Variants in PCDHA8 observed in about 807,000 individuals in gnomAD.
PCDHA8 encodes the protein protocadherin alpha-8.
PCDHA8 carries 53 observed loss-of-function variants against 61.8 expected under a neutral mutation model. The observed-to-expected ratio is 0.86, with a 90% confidence interval of 0.69 to 1.08. The LOEUF is 1.08. Among genes scored for constraint, PCDHA8 ranks in the 50% least tolerant of loss-of-function variants. The probability of loss-of-function intolerance (pLI) is 0.00; values close to 1 mark genes in which losing one functional copy is unlikely to be tolerated. For synonymous variants in PCDHA8, 618 were observed against 556.6 expected (o/e 1.11, Z -1.55); for missense variants, 1,293 against 1,245.0 (o/e 1.04, Z -0.58).
chr5:141,005,666 C>T (rs1304126376), intron 3 of PCDHA8, among the ~76,000 whole-genome samples: 2 of 130,134 alleles, frequency 1.5e-5, no homozygotes, highest in Non-Finnish European at 3.1e-5. Context: ...CGCGCCACTG[C>T]ACTCCAGCCT....
Position 140,979,003 on chromosome 5 carries a change from C to G in PCDHA8, c.2449C>G (p.His817Asp). ...RYSASLRAGM[H>D]SSVHLEEAGI... Reference sequence around the variant, plus strand: ...CTCTGCCTCCCTGAGAGCAGGCATGCACAGGTATGTATTTCCCTCCTCATT... The same window carrying G: ...CTCTGCCTCCCTGAGAGCAGGCATGGACAGGTATGTATTTCCCTCCTCATT... The change falls in exon 2 of 4, where the codon CAC becomes GAC. Residue 817 changes from histidine (H) to aspartate (D), a missense_variant. By Grantham distance (81) the His-to-Asp change is moderately conservative. Transcript: ENST00000531613. 1.2e-6 allele frequency: 2 copies of G among 1,614,144 alleles called. No homozygotes were observed. The highest frequency in any genetic ancestry group is 1.7e-6 in the Non-Finnish European group (2 of 1,180,022).
At chr5:140,923,877 C>T (rs555626217) in intron 1 of PCDHA8, among the ~76,000 whole-genome samples, 5 of 152,284 alleles carry the variant, frequency 3.3e-5, no homozygotes, top group East Asian at 1.9e-4. Flanking sequence ...ATCTGAGAAG[C>T]GTGTGAAAGA....
At chr5:140,860,671 T>A (rs1339790199) in intron 1 of PCDHA8, 1 of 152,218 alleles carries the variant, frequency 6.6e-6, no homozygotes, top group Non-Finnish European at 1.5e-5. Context: ...TGAAATCAAA[T>A]GCACTTATGT....
chr5:140,858,354 C>A lies in PCDHA8; in HGVS notation c.2394+14639C>A, dbSNP rs782580844. On this transcript the variant is annotated intron_variant, in intron 1 of 3. Coordinates refer to ENST00000531613, the MANE Select transcript of PCDHA8 (RefSeq NM_018911.3). ...GGCCTGCCCAAGGCGGACCTCATGG[C>A]CTTCAGCCCCAGCCTTCCACCATGC... is the stretch of plus-strand genomic sequence containing the variant. 66 of 1,593,208 alleles carry A rather than the reference C, an allele frequency of 4.1e-5. 1 individual carries two copies. In the East Asian group the frequency reaches 1.4e-3, roughly 34 times the overall value.
At chr5:140,971,918 G>A (rs1297848346) in intron 1 of PCDHA8, among the ~76,000 whole-genome samples, 1 of 152,082 alleles carries the variant, frequency 6.6e-6, no homozygotes, top group Non-Finnish European at 1.5e-5. Context: ...CAGCCACACT[G>A]CTAGTGTTAT....
chr5:140,857,555 C>G, intron 1 of PCDHA8: 1 of 1,597,062 alleles, frequency 6.3e-7, no homozygotes, highest in East Asian at 2.2e-5. Flanking sequence ...CGAGCGCTCG[C>G]TGTCGAGCTA....
chr5:140,939,562 G>C (rs1584985766), intron 1 of PCDHA8, among the ~76,000 whole-genome samples: 1 of 152,158 alleles, frequency 6.6e-6, no homozygotes, highest in Middle Eastern at 3.4e-3. Flanking sequence ...TATTAGTTTG[G>C]TTAATCAAAA....
intron 1 of PCDHA8, chr5:140,884,666 A>C (rs1554181818): frequency 6.4e-7 from 1 of 1,571,180 alleles, no homozygotes; most frequent in African/African-American, 1.4e-5. Flanking sequence ...GAAAGAGGTA[A>C]GCTTATATTT....
intron 1 of PCDHA8, among the ~76,000 whole-genome samples, chr5:140,941,208 T>TTCCTTTCTTTCTTTCTTTCTTTCG (rs2092839762): frequency 9.1e-6 from 1 of 109,450 alleles, no homozygotes; most frequent in Non-Finnish European, 2.0e-5. Context: ...TCTTCCTTTC[T>TTCCTTTCTTTCTTTCTTTCTTTCG]TTCTTCCTTT....
chr5:140,877,509 G>T (rs781824762), intron 1 of PCDHA8: 21 of 1,613,700 alleles, frequency 1.3e-5, no homozygotes, highest in Non-Finnish European at 1.7e-5. Flanking sequence ...CAAAGACGTC[G>T]TCGCGGGCCT....
Position 140,969,193 on chromosome 5 carries a change from C to T in PCDHA8, c.2395-9756C>T, listed in dbSNP as rs1232655466. The T allele has an allele frequency of 8.1e-6, 13 of 1,614,002 alleles. No homozygotes were observed. In the African/African-American group the frequency reaches 1.2e-4, roughly 15 times the overall value. ...CAGGGAGTGACACTTTCATGTTTTA[C>T]AATACAGGGGCCCAGACAGGACCAG... is the stretch of plus-strand genomic sequence containing the variant. On this transcript the variant is annotated intron_variant, in intron 1 of 3. Transcript: ENST00000531613.
At chr5:140,919,510 T>G (rs750733245) in intron 1 of PCDHA8, among the ~76,000 whole-genome samples, 2 of 152,208 alleles carry the variant, frequency 1.3e-5, no homozygotes, top group Non-Finnish European at 2.9e-5. Context: ...TTTTTCTATA[T>G]GTTTTAATTC....
At chr5:141,006,368 C>A (rs1395158727) in intron 3 of PCDHA8, among the ~76,000 whole-genome samples, 1 of 151,954 alleles carries the variant, frequency 6.6e-6, no homozygotes, top group Non-Finnish European at 1.5e-5. Flanking sequence ...CCCACCACCA[C>A]GCCCGGCTAA....
Position 140,841,994 on chromosome 5 carries a change from A to T in PCDHA8, c.673A>T (p.Thr225Ser). 6.2e-6 allele frequency: 10 copies of T among 1,613,788 alleles called. No individual in the cohort carries two copies. The highest frequency in any genetic ancestry group is 8.5e-6 in the Non-Finnish European group (10 of 1,179,796). The change falls in exon 1 of 4, where the codon ACT (threonine) becomes TCT (serine). Residue 225 changes from threonine (T) to serine (S), a missense_variant. Physicochemically the swap from Thr to Ser is moderately conservative, Grantham distance 58 (BLOSUM62 1). Transcript: ENST00000531613. ...TDGGKPELTG[T>S]VQLLVTVLDV... Reference sequence around the variant, plus strand: ...TGGGGGCAAACCTGAGCTCACAGGCACTGTTCAGCTGCTGGTCACAGTGCT... The same window carrying T: ...TGGGGGCAAACCTGAGCTCACAGGCTCTGTTCAGCTGCTGGTCACAGTGCT...
intron 1 of PCDHA8, chr5:140,968,987 T>C: frequency 6.2e-7 from 1 of 1,614,224 alleles, no homozygotes; most frequent in Non-Finnish European, 8.5e-7. Context: ...TGGCACTGCA[T>C]GCTGTGGAGG....
At chr5:140,910,641 C>T (rs1270893523) in intron 1 of PCDHA8, among the ~76,000 whole-genome samples, 1 of 152,206 alleles carries the variant, frequency 6.6e-6, no homozygotes, top group Non-Finnish European at 1.5e-5. Flanking sequence ...CTCCCTAAAC[C>T]TTTTGATCCC....
intron 1 of PCDHA8, chr5:140,883,696 G>A (rs142212706): frequency 6.2e-7 from 1 of 1,613,818 alleles, no homozygotes; most frequent in Non-Finnish European, 8.5e-7. Flanking sequence ...ACATCTTCAC[G>A]GTGTCTGCTC....
chr5:140,873,126 G>A (rs2054115570), intron 1 of PCDHA8, among the ~76,000 whole-genome samples: 1 of 152,124 alleles, frequency 6.6e-6, no homozygotes, highest in Admixed American at 6.5e-5. Context: ...AATATTCAAA[G>A]AGTCTATGCT....
intron 1 of PCDHA8, among the ~76,000 whole-genome samples, chr5:140,921,231 T>C (rs1171159325): frequency 3.3e-5 from 5 of 152,122 alleles, no homozygotes; most frequent in African/African-American, 4.8e-5. Context: ...TGCTAGATGA[T>C]ATTAAGCCAC....
Sources: allele counts gnomAD v4.1 joint callset (sites outside exome capture counted in the v4.1 genomes callset), GRCh38; gene constraint gnomAD v4.1.1; transcripts MANE v1.5; gene names NCBI Gene and HGNC (gene_info 2026-07-23, HGNC 2026-07-21).